Variants in HDGFL3 observed in about 807,000 individuals in gnomAD.
The protein encoded by HDGFL3 is HDGF like 3, also known as hepatoma-derived growth factor-related protein 3.
Under a neutral mutation model 27.6 loss-of-function variants are expected in HDGFL3, and 6 were observed. The ratio of observed to expected loss-of-function variants is 0.22; its 90% CI spans 0.12 to 0.43. The LOEUF (loss-of-function observed/expected upper bound fraction) is 0.43, where lower values mean the gene tolerates loss of function less well. Ranked by LOEUF, HDGFL3 falls within the 20% of genes least tolerant of loss-of-function variation. HDGFL3 has a pLI of 1.00. For synonymous variants in HDGFL3, 88 were observed against 88.9 expected, an observed-to-expected ratio of 0.99 and a Z score of 0.05; for missense variants, 207 against 250.1, an observed-to-expected ratio of 0.83 and a Z score of 1.16.
chr15:83,136,569 C>T lies in HDGFL3; in HGVS notation c.*2701G>A, dbSNP rs762661524. 1.9e-6 allele frequency: 3 copies of T among 1,613,400 alleles called. No individual in the cohort carries two copies. Among genetic ancestry groups the T allele is most frequent in the African/African-American group, 2.7e-5 (2 of 74,838 alleles). On this transcript the variant is annotated 3_prime_UTR_variant, in exon 6 of 6. Transcript: ENST00000299633. ...GAAGAAGCAAAAATCCTTTTTTTAG[C>T]ATTAAACATAGCATATGGAGTTCTT...
intron 1 of HDGFL3, chr15:83,185,939 T>G (rs1478613177): frequency 6.6e-6 from 1 of 152,252 alleles, no homozygotes; most frequent in Non-Finnish European, 1.5e-5. Context: ...GGAAGCCAGC[T>G]GCCATGTTGT....
intron 3 of HDGFL3, among the ~76,000 whole-genome samples, chr15:83,118,684 CTTG>C (rs1225076996): frequency 6.6e-6 from 1 of 152,108 alleles, no homozygotes; most frequent in African/African-American, 2.4e-5. Flanking sequence ...TGCACTCTTC[CTTG>C]TTGTAGAAAG....
At chr15:83,175,953 G>A (rs934075794) in intron 1 of HDGFL3, among the ~76,000 whole-genome samples, 13 of 152,224 alleles carry the variant, frequency 8.5e-5, no homozygotes, top group African/African-American at 3.1e-4. Flanking sequence ...TCTTAGCCAC[G>A]TTTGGTTGTG....
chr15:83,207,398 G>T lies in HDGFL3; in HGVS notation c.17C>A (p.Pro6His). 7.4e-7 allele frequency: 1 copy of T among 1,352,860 alleles called. No homozygotes were observed. Among genetic ancestry groups the T allele is most frequent in the East Asian group, 2.9e-5 (1 of 35,016 alleles). The allele number at this position is 1,352,860 out of a possible 1,614,324, so 83.8% of individuals were successfully genotyped here. A position where few individuals can be genotyped will look rare whatever the true frequency, so the allele number is the denominator to read the frequency against. MARPR[P>H]REYKAGDLVF... ...CAGGTCGCCCGCTTTGTACTCGCGG[G>T]GCCGCGGACGCGCCATCCCAGCCGC... The change falls in exon 1 of 6, where the codon CCC (proline) becomes CAC (histidine). Residue 6 changes from proline to histidine, a missense_variant. Transcript: ENST00000299633. The surrounding 1 kb of genome is among the most constrained non-coding windows in gnomAD (Gnocchi z 4.8).
intron 1 of HDGFL3, chr15:83,179,256 G>A (rs1345253477): frequency 6.6e-6 from 1 of 152,296 alleles, no homozygotes; most frequent in Non-Finnish European, 1.5e-5. Context: ...TGAGCTGTGA[G>A]TATATGTAAC....
chr15:83,166,081 C>A (rs1317924473), intron 1 of HDGFL3, among the ~76,000 whole-genome samples: 1 of 151,930 alleles, frequency 6.6e-6, no homozygotes, highest in African/African-American at 2.4e-5. Context: ...AAATAGACAT[C>A]CAGATGCAAG....
chr15:83,203,108 T>C (rs911485809), intron 1 of HDGFL3, among the ~76,000 whole-genome samples: 5 of 152,094 alleles, frequency 3.3e-5, no homozygotes, highest in African/African-American at 1.2e-4. Context: ...CTAGCAATAT[T>C]TGATAATTCT....
chr15:83,160,933 T>C (rs1386893116), intron 2 of HDGFL3, among the ~76,000 whole-genome samples: 1 of 152,218 alleles, frequency 6.6e-6, no homozygotes. Flanking sequence ...TCACCTTTAA[T>C]TGCTCAGTCA....
intron 1 of HDGFL3, among the ~76,000 whole-genome samples, chr15:83,180,128 A>G (rs1332373338): frequency 6.6e-6 from 1 of 152,042 alleles, no homozygotes; most frequent in African/African-American, 2.4e-5. Context: ...AAAAAAAAAT[A>G]GGGAAGACCA....
At chr15:83,145,523 G>A (rs890202627) in intron 5 of HDGFL3, among the ~76,000 whole-genome samples, 1 of 152,076 alleles carries the variant, frequency 6.6e-6, no homozygotes, top group African/African-American at 2.4e-5. Context: ...TGGAGGTGGA[G>A]AAGGTGTCCT....
rs1240871479 is a variant in HDGFL3, at chr15:83,133,394, GTC to G, written c.*5874_*5875del. On this transcript the variant is annotated 3_prime_UTR_variant, in exon 6 of 6. Transcript: ENST00000299633. ...CTTTTTTAGTTATCCTTTACAGATT[GTC>G]TCTATACATGTAAGAAAACAGCTCT... 6.6e-6 allele frequency: 1 copy of G among 152,050 alleles called. No individual in the cohort carries two copies. The highest frequency in any genetic ancestry group is 1.5e-5 in the Non-Finnish European group (1 of 68,012). The allele number at this position is 152,050 out of a possible 1,614,324, so 9.4% of individuals were successfully genotyped here.
chr15:83,188,491 C>A (rs762184258), intron 1 of HDGFL3, among the ~76,000 whole-genome samples: 1 of 152,192 alleles, frequency 6.6e-6, no homozygotes, highest in Non-Finnish European at 1.5e-5. Context: ...CTCAGATGAT[C>A]CGCCTACCTT....
In HDGFL3 at chr15:83,136,344, T is replaced by G; in HGVS notation, c.*2926A>C. The stretch of plus-strand genomic sequence containing the variant: ...TCTGACATTAAAGACTCTGGATTGT[T>G]TGAAGGTATTTTGCCTGCAGGTGAG... On this transcript the variant is annotated 3_prime_UTR_variant, in exon 6 of 6. Transcript: ENST00000299633. The G allele has an allele frequency of 1.8e-6, 1 of 567,564 alleles. No homozygotes were observed. Among genetic ancestry groups the G allele is most frequent in the East Asian group, 3.0e-5 (1 of 33,440 alleles). 35.2% of individuals were successfully genotyped at this position (567,564 alleles called of 1,614,324 possible). A position where few individuals can be genotyped will look rare whatever the true frequency, so the allele number is the denominator to read the frequency against.
intron 5 of HDGFL3, among the ~76,000 whole-genome samples, chr15:83,146,230 CT>C (rs2036890068): frequency 6.6e-6 from 1 of 152,092 alleles, no homozygotes; most frequent in Non-Finnish European, 1.5e-5. Flanking sequence ...ACTGTAAATA[CT>C]GTCTTAAGCC....
intron 5 of HDGFL3, among the ~76,000 whole-genome samples, chr15:83,145,449 T>G (rs1258981720): frequency 3.3e-5 from 5 of 152,194 alleles, no homozygotes; most frequent in Admixed American, 2.0e-4. Context: ...GCTGCCTCTT[T>G]CCCTGTAACC....
intron 1 of HDGFL3, among the ~76,000 whole-genome samples, chr15:83,178,080 A>G (rs556762308): frequency 6.6e-6 from 1 of 152,366 alleles, no homozygotes; most frequent in South Asian, 2.1e-4. Context: ...AAAGCTGTGA[A>G]GGTTTGTGGA....
intron 1 of HDGFL3, among the ~76,000 whole-genome samples, chr15:83,175,056 G>A (rs1203293424): frequency 6.6e-6 from 1 of 152,226 alleles, no homozygotes; most frequent in Admixed American, 6.5e-5. Flanking sequence ...CACTAAGCTT[G>A]CATTCCCACA....
chr15:83,161,856 C>T (rs2037105618), intron 2 of HDGFL3, among the ~76,000 whole-genome samples: 1 of 151,896 alleles, frequency 6.6e-6, no homozygotes, highest in Admixed American at 6.6e-5. Flanking sequence ...TACATTTTTT[C>T]AAAGCTAAAT....
downstream of HDGFL3, among the ~76,000 whole-genome samples, chr15:83,123,784 CAG>C (rs2035480066): frequency 6.6e-6 from 1 of 152,288 alleles, no homozygotes; most frequent in Admixed American, 6.5e-5. Flanking sequence ...GGTTCCATGT[CAG>C]TGTGTCAACA....
Sources: allele counts gnomAD v4.1 joint callset (sites outside exome capture counted in the v4.1 genomes callset), GRCh38; gene constraint gnomAD v4.1.1; non-coding constraint Gnocchi (gnomAD v3.1); transcripts MANE v1.5; gene names NCBI Gene and HGNC (gene_info 2026-07-23, HGNC 2026-07-21).